The following FANCA variants were observed in gnomAD, a reference collection of about 807,000 sequenced individuals.
The protein encoded by FANCA is FA complementation group A.
Under a neutral mutation model 194.3 loss-of-function variants are expected in FANCA, and 236 were observed. The observed-to-expected ratio is 1.21, with a 90% CI of 1.09 to 1.35. The LOEUF is 1.35. Ranked by LOEUF, FANCA falls within the 40% of genes most tolerant of loss-of-function variation. FANCA has a pLI of 0.00. For synonymous variants in FANCA, 1,014 were observed against 715.8 expected, an observed-to-expected ratio of 1.42 and a Z score of -6.65; for missense variants, 2,628 against 1,813.9, an observed-to-expected ratio of 1.45 and a Z score of -8.15.
chr16:89,769,657 C>T (rs1451274537), intron 26 of FANCA, 180 bp downstream of exon 26: 4 of 691,562 alleles, frequency 5.8e-6, no homozygotes, highest in Non-Finnish European at 1.0e-5. Context: ...AAGAAACAAA[C>T]GCACGCATAT....
At chr16:89,774,618 C>T (rs12935811) in intron 21 of FANCA, among the ~76,000 whole-genome samples, 1,982 of 150,332 alleles carry the variant, frequency 0.013, 34 homozygotes, top group South Asian at 0.091. Context: ...TAGTCCCAGC[C>T]ACTCGGGAGG....
At chr16:89,782,165 A>T (rs888614714) in intron 17 of FANCA, among the ~76,000 whole-genome samples, 3 of 147,122 alleles carry the variant, frequency 2.0e-5, no homozygotes, top group Non-Finnish European at 4.5e-5. Flanking sequence ...CACGAGGTCA[A>T]GAGATCGAGA....
intron 3 of FANCA, among the ~76,000 whole-genome samples, chr16:89,812,152 G>T (rs1001433801): frequency 6.7e-6 from 1 of 149,118 alleles, no homozygotes; most frequent in Non-Finnish European, 1.5e-5. Context: ...TGGCTAACAC[G>T]GTGAAACCCT....
chr16:89,759,102 C>T (rs976131935), intron 29 of FANCA, among the ~76,000 whole-genome samples: 16 of 151,702 alleles, frequency 1.1e-4, no homozygotes, highest in Non-Finnish European at 2.4e-4. Context: ...GGGCGGATCA[C>T]GAGGTTAGGA....
In FANCA at chr16:89,810,726, T is replaced by C. The variant is rs750882394; in HGVS notation, c.503A>G (p.Gln168Arg). The change falls in exon 5 of 43, where the codon CAA becomes CGA. Residue 168 changes from glutamine to arginine, a missense_variant. Physicochemically the swap from Gln to Arg is conservative, Grantham distance 43. Coordinates refer to ENST00000389301, the MANE Select transcript of FANCA (RefSeq NM_000135.4). ...ATTTACCTGTATTTTCCATAATTCTTGACAGAAGGAAAGACGGGAGAACAT... is the reference window on the plus strand; with the variant it reads ...ATTTACCTGTATTTTCCATAATTCTCGACAGAAGGAAAGACGGGAGAACAT... ...HSMFSRLSFC[Q>R]ELWKIQSSLL... The C allele has an allele frequency of 6.2e-7, 1 of 1,610,610 alleles. No individual in the cohort carries two copies. Among genetic ancestry groups the C allele is most frequent in the Admixed American group, 1.7e-5 (1 of 60,008 alleles).
At chr16:89,745,175 C>A in intron 35 of FANCA, 104 bp from the exon 36 acceptor site, 1 of 1,042,258 alleles carries the variant, frequency 9.6e-7, no homozygotes. Flanking sequence ...CCACTACAGG[C>A]CCACACTCGC....
At chr16:89,773,155 G>A in intron 22 of FANCA, 116 bp downstream of exon 22, 1 of 822,222 alleles carries the variant, frequency 1.2e-6, no homozygotes. Context: ...TTAAACTACT[G>A]GACTACTAGG....
intron 29 of FANCA, among the ~76,000 whole-genome samples, chr16:89,760,403 G>A (rs2038912884): frequency 6.6e-6 from 1 of 152,192 alleles, no homozygotes; most frequent in Non-Finnish European, 1.5e-5. Flanking sequence ...CCAGGTGCAG[G>A]CGACAGTGCT....
intron 2 of FANCA, among the ~76,000 whole-genome samples, chr16:89,815,443 G>A (rs545507032): frequency 5.5e-5 from 8 of 145,066 alleles, no homozygotes; most frequent in East Asian, 2.0e-4. Context: ...TCTGCCTCCC[G>A]GGTCCAGGTT....
At chr16:89,756,196 G>A (rs2038762306) in intron 30 of FANCA, among the ~76,000 whole-genome samples, 1 of 152,124 alleles carries the variant, frequency 6.6e-6, no homozygotes, top group Non-Finnish European at 1.5e-5. Flanking sequence ...TTTCAAATGG[G>A]CTAAGGATGT....
chr16:89,778,644 A>C (rs1382799960), intron 20 of FANCA, among the ~76,000 whole-genome samples, 157 bp downstream of exon 20: 5 of 150,074 alleles, frequency 3.3e-5, no homozygotes, highest in Non-Finnish European at 7.4e-5. Flanking sequence ...AAAAAAAAAA[A>C]AAAAAAAAAA....
intron 5 of FANCA, 80 bp from the exon 6 acceptor site, chr16:89,808,447 T>C: frequency 1.4e-6 from 2 of 1,422,762 alleles, no homozygotes; most frequent in East Asian, 4.6e-5. Context: ...TGCATTTTCC[T>C]ACAAAATGTT....
intron 11 of FANCA, among the ~76,000 whole-genome samples, chr16:89,794,613 T>C (rs2040182249): frequency 1.3e-5 from 2 of 152,078 alleles, no homozygotes; most frequent in African/African-American, 4.8e-5. Context: ...CAAAGGAAGC[T>C]CAGCTCAGTC....
rs775549018 is a variant in FANCA, at chr16:89,738,463, A to G, written c.*138T>C. The G allele has an allele frequency of 6.9e-7, 1 of 1,448,440 alleles. No homozygotes were observed. 89.7% of individuals were successfully genotyped at this position (1,448,440 alleles called of 1,614,324 possible). ...TGAGTGACTCGGGGCCGGACAGTTC[A>G]TAAATAATTGATTCCTTTCCCCACT... is the stretch of plus-strand genomic sequence containing the variant. On this transcript the variant is annotated 3_prime_UTR_variant, in exon 43 of 43. Transcript: ENST00000389301.
In FANCA at chr16:89,752,209, C is replaced by T; in HGVS notation, c.2995G>A (p.Asp999Asn). ...ACCAAATCAGAATTTTCTGAGTGGT[C>T]ATAACTCCTTGAGCTGAAATGAAAA... ...MDFHQSSRSYDHSENSDLVFG... is the reference protein window; with the variant it reads ...MDFHQSSRSYNHSENSDLVFG... The change falls in exon 31 of 43, where the codon GAC becomes AAC. Residue 999 changes from aspartate (D) to asparagine (N), a missense_variant. Transcript: ENST00000389301. 6.2e-7 allele frequency: 1 copy of T among 1,613,694 alleles called. No individual in the cohort carries two copies. Among genetic ancestry groups the T allele is most frequent in the Non-Finnish European group, 8.5e-7 (1 of 1,179,652 alleles).
At chr16:89,740,703 CCTGAGCT>C in intron 38 of FANCA, 94 bp downstream of exon 38, 1 of 933,178 alleles carries the variant, frequency 1.1e-6, no homozygotes, top group Non-Finnish European at 1.7e-6. Flanking sequence ...ACAAGGAGCT[CCTGAGCT>C]AGTCTGGAAA....
chr16:89,741,763 G>A (rs1180386628), intron 37 of FANCA, among the ~76,000 whole-genome samples: 1 of 152,126 alleles, frequency 6.6e-6, no homozygotes, highest in African/African-American at 2.4e-5. Flanking sequence ...CAGCACCCCA[G>A]GTCTGAGCTG....
intron 14 of FANCA, among the ~76,000 whole-genome samples, chr16:89,785,226 A>G (rs905388565): frequency 2.0e-5 from 3 of 152,220 alleles, no homozygotes; most frequent in African/African-American, 7.2e-5. Context: ...AGATGTCACG[A>G]CTGCGCTTTG....
intron 14 of FANCA, among the ~76,000 whole-genome samples, chr16:89,788,550 T>C (rs920734591): frequency 1.3e-5 from 2 of 152,176 alleles, no homozygotes; most frequent in Non-Finnish European, 2.9e-5. Context: ...GTAATTCCAG[T>C]ACTTCGGGGG....
Sources: gnomAD v4.1 joint callset for allele counts (sites outside exome capture counted in the v4.1 genomes callset) on GRCh38, gnomAD v4.1.1 for gene constraint, MANE v1.5 for transcripts, NCBI Gene and HGNC (gene_info 2026-07-23, HGNC 2026-07-21) for gene names.